FAM135B: variants seen among roughly 807,000 people sequenced by gnomAD.
The protein encoded by FAM135B is family with sequence similarity 135 member B, also known as protein FAM135B.
FAM135B carries 43 observed loss-of-function variants against 127.7 expected under a neutral mutation model. The observed-to-expected ratio is 0.34, with a 90% confidence interval of 0.26 to 0.43. The LOEUF (loss-of-function observed/expected upper bound fraction) is 0.43, where lower values mean the gene tolerates loss of function less well. Ranked by LOEUF, FAM135B falls within the 20% of genes least tolerant of loss-of-function variation. FAM135B has a pLI of 1.00. For synonymous variants in FAM135B, 670 were observed against 665.1 expected (o/e 1.01, Z -0.11); for missense variants, 1,558 against 1,725.6 (o/e 0.90, Z 1.72).
chr8:138,395,422 C>T (rs539880555), intron 1 of FAM135B, among the ~76,000 whole-genome samples: 8 of 152,192 alleles, frequency 5.3e-5, no homozygotes, highest in South Asian at 2.1e-4. Context: ...ACCAAAGGAG[C>T]TATGGGGGAA....
At chr8:138,447,432 T>TA (rs1836240269) in intron 1 of FAM135B, among the ~76,000 whole-genome samples, 1 of 151,978 alleles carries the variant, frequency 6.6e-6, no homozygotes, top group Non-Finnish European at 1.5e-5. Flanking sequence ...TAGACTGGAT[T>TA]AAAAAAATGT....
chr8:138,168,109 C>T lies in FAM135B; in HGVS notation c.1104-60G>A, dbSNP rs533536627. 568 of 1,521,380 alleles carry T rather than the reference C, an allele frequency of 3.7e-4. 5 individuals are homozygous for T. Among genetic ancestry groups the T allele is most frequent in the East Asian group, 9.6e-5 (4 of 41,804 alleles). 94.2% of individuals were successfully genotyped at this position (1,521,380 alleles called of 1,614,324 possible). On this transcript the variant is annotated intron_variant, in intron 11 of 19. Transcript: ENST00000395297. ...AGAGTCAGAGGTTTCCAAACCGTTGCCCCCTCTTCCTAATCCCGGGAAAAT... is the reference window on the plus strand; with the variant it reads ...AGAGTCAGAGGTTTCCAAACCGTTGTCCCCTCTTCCTAATCCCGGGAAAAT...
intron 2 of FAM135B, among the ~76,000 whole-genome samples, chr8:138,337,790 C>T (rs1279420886): frequency 8.5e-5 from 13 of 152,246 alleles, no homozygotes; most frequent in Admixed American, 2.6e-4. Flanking sequence ...AAAAAGAGCC[C>T]GCATTGCCAA....
At chr8:138,455,293 T>C (rs907131128) in intron 1 of FAM135B, among the ~76,000 whole-genome samples, 1 of 152,192 alleles carries the variant, frequency 6.6e-6, no homozygotes, top group Non-Finnish European at 1.5e-5. Context: ...GTAAACTGCA[T>C]TGGGACCTTG....
chr8:138,393,322 T>G (rs556305585), intron 1 of FAM135B, among the ~76,000 whole-genome samples: 1 of 152,176 alleles, frequency 6.6e-6, no homozygotes, highest in South Asian at 2.1e-4. Context: ...CAAGTGACAA[T>G]TTCAAAAAAA....
intron 1 of FAM135B, among the ~76,000 whole-genome samples, chr8:138,445,573 T>C (rs1335106652): frequency 6.6e-6 from 1 of 152,224 alleles, no homozygotes; most frequent in Non-Finnish European, 1.5e-5. Flanking sequence ...TCTCAATAGA[T>C]GCAGAAAAGG....
chr8:138,458,000 A>G (rs114686716), intron 1 of FAM135B, among the ~76,000 whole-genome samples: 2 of 151,728 alleles, frequency 1.3e-5, no homozygotes, highest in East Asian at 3.9e-4. Flanking sequence ...AAGAGAGAGA[A>G]AAAAACTTAG....
At chr8:138,411,237 C>G (rs1833844435) in intron 1 of FAM135B, among the ~76,000 whole-genome samples, 1 of 151,880 alleles carries the variant, frequency 6.6e-6, no homozygotes, top group Admixed American at 6.6e-5. Flanking sequence ...TCACTTCAAA[C>G]TATACTACAA....
chr8:138,459,973 T>G (rs1459019526), intron 1 of FAM135B, among the ~76,000 whole-genome samples: 1 of 152,168 alleles, frequency 6.6e-6, no homozygotes, highest in African/African-American at 2.4e-5. Context: ...CATAGAACTT[T>G]CCTCCTCAAT....
At chr8:138,142,576 T>C in intron 16 of FAM135B, among the ~76,000 whole-genome samples, 1 of 152,210 alleles carries the variant, frequency 6.6e-6, no homozygotes, top group East Asian at 1.9e-4. Context: ...AGTGCTGGGA[T>C]TACAGGTGTG....
rs940166362 is a variant in FAM135B, at chr8:138,137,169, A to G, written c.3993T>C (p.Thr1331=). Residue 1331 remains threonine (T), a synonymous_variant, in exon 19 of 20, where the codon ACT becomes ACC. Coordinates refer to ENST00000395297, the MANE Select transcript of FAM135B (RefSeq NM_015912.4). ...TACCTGTGTGTCTGTCTTTGAGGGC[A>G]GTTTTACACATTTCAATCCTGGCTG... ...FHSARIEMCK[T]ALKDRHTGPV... is the part of the protein sequence containing the mutation. 1.6e-5 allele frequency: 26 copies of G among 1,580,894 alleles called. No homozygotes were observed. Among genetic ancestry groups the G allele is most frequent in the African/African-American group, 6.7e-5 (5 of 74,220 alleles).
intron 1 of FAM135B, among the ~76,000 whole-genome samples, chr8:138,388,479 C>T (rs893596211): frequency 9.2e-5 from 14 of 152,126 alleles, no homozygotes; most frequent in Admixed American, 2.6e-4. Flanking sequence ...TACCAAAACT[C>T]GGAAGCAACT....
At chr8:138,345,230 G>A (rs1829329088) in intron 2 of FAM135B, among the ~76,000 whole-genome samples, 1 of 152,210 alleles carries the variant, frequency 6.6e-6, no homozygotes, top group Non-Finnish European at 1.5e-5. Flanking sequence ...AGACCTGGCT[G>A]CAAGGCCCTG....
chr8:138,425,199 G>A (rs1282505168), intron 1 of FAM135B, among the ~76,000 whole-genome samples: 1 of 152,142 alleles, frequency 6.6e-6, no homozygotes, highest in Non-Finnish European at 1.5e-5. Context: ...ACTCTCCTGA[G>A]TATTATATAC....
chr8:138,356,971 T>C (rs1830129489), intron 2 of FAM135B, among the ~76,000 whole-genome samples: 1 of 152,138 alleles, frequency 6.6e-6, no homozygotes, highest in South Asian at 2.1e-4. Flanking sequence ...TGGGAGTATA[T>C]GAGGACAATT....
intron 2 of FAM135B, among the ~76,000 whole-genome samples, chr8:138,323,639 G>T (rs550058682): frequency 6.6e-6 from 1 of 152,284 alleles, no homozygotes; most frequent in Admixed American, 6.5e-5. Context: ...GGTATCTTGT[G>T]CTAGTTAAGC....
chr8:138,236,138 A>G (rs954102355), intron 7 of FAM135B, among the ~76,000 whole-genome samples: 9 of 151,964 alleles, frequency 5.9e-5, no homozygotes, highest in South Asian at 2.1e-4. Context: ...GGCATCCAAC[A>G]CTCATTTACT....
chr8:138,398,600 T>C (rs1294696946), intron 1 of FAM135B, among the ~76,000 whole-genome samples: 5 of 152,174 alleles, frequency 3.3e-5, no homozygotes, highest in Non-Finnish European at 5.9e-5. Flanking sequence ...CAGTTTGATT[T>C]GGAAAGAATG....
At chr8:138,369,655 T>C (rs1224820751) in intron 1 of FAM135B, among the ~76,000 whole-genome samples, 1 of 152,174 alleles carries the variant, frequency 6.6e-6, no homozygotes, top group African/African-American at 2.4e-5. Flanking sequence ...ACCCTGGCCC[T>C]GCCCAACACA....
Sources: gnomAD v4.1 joint callset for allele counts (sites outside exome capture counted in the v4.1 genomes callset) on GRCh38, gnomAD v4.1.1 for gene constraint, MANE v1.5 for transcripts, NCBI Gene and HGNC (gene_info 2026-07-23, HGNC 2026-07-21) for gene names.